PCDHA9: variants seen among roughly 807,000 people sequenced by gnomAD.
The protein encoded by PCDHA9 is protocadherin alpha-9.
A neutral mutation model predicts 62.0 loss-of-function variants in PCDHA9; 62 were observed. The ratio of observed to expected loss-of-function variants is 1.00; its 90% CI spans 0.81 to 1.23. The LOEUF (loss-of-function observed/expected upper bound fraction) is 1.23. Ranked by LOEUF, PCDHA9 falls within the 50% of genes most tolerant of loss-of-function variation. The pLI is 0.00. For synonymous variants in PCDHA9, 557 were observed against 567.6 expected (o/e 0.98, Z 0.27); for missense variants, 1,205 against 1,249.8 (o/e 0.96, Z 0.54).
chr5:140,985,619 G>C (rs961379624), intron 3 of PCDHA9, among the ~76,000 whole-genome samples: 2 of 152,064 alleles, frequency 1.3e-5, no homozygotes, highest in African/African-American at 2.4e-5. Context: ...TGAACCAGCT[G>C]TGTATTGCTC....
intron 1 of PCDHA9, chr5:140,857,903 A>C (rs1554150826): frequency 6.3e-7 from 1 of 1,597,806 alleles, no homozygotes; most frequent in East Asian, 2.2e-5. Context: ...TGGTGCACGC[A>C]TCCCGTTTCG....
rs552604909 is a variant in PCDHA9, at chr5:141,005,474, C to T, written c.2543-4153C>T. ...ATCCCAGCACTTTGGGAGGCCGAGACGGGCGGATCATGAGGTCAGGAGATC... is the reference window on the plus strand; with the variant it reads ...ATCCCAGCACTTTGGGAGGCCGAGATGGGCGGATCATGAGGTCAGGAGATC... On this transcript the variant is annotated intron_variant, in intron 3 of 3. Coordinates refer to ENST00000532602, the MANE Select transcript of PCDHA9 (RefSeq NM_031857.2). 1.6e-3 allele frequency among the ~76,000 whole-genome samples: 236 copies of T among 151,848 alleles called. 1 individual carries two copies. The highest frequency in any genetic ancestry group is 4.9e-3 in the African/African-American group (204 of 41,424).
intron 1 of PCDHA9, among the ~76,000 whole-genome samples, chr5:140,910,738 C>G (rs2075147470): frequency 6.6e-6 from 1 of 152,098 alleles, no homozygotes; most frequent in Non-Finnish European, 1.5e-5. Context: ...GCTAACCAAG[C>G]ACATAAATTA....
At position 141,011,612 on chromosome 5, in the gene PCDHA9, G is replaced by A. The variant is rs1031311936; in HGVS notation, c.*1675G>A. 11 of 153,524 alleles carry A rather than the reference G, an allele frequency of 7.2e-5. No individual in the cohort carries two copies. The highest frequency in any genetic ancestry group is 1.6e-4 in the Non-Finnish European group (11 of 67,990). 9.5% of individuals were successfully genotyped at this position (153,524 alleles called of 1,614,324 possible). A position where few individuals can be genotyped will look rare whatever the true frequency, so the allele number is the denominator to read the frequency against. On this transcript the variant is annotated 3_prime_UTR_variant, in exon 4 of 4. Coordinates refer to ENST00000532602, the MANE Select transcript of PCDHA9 (RefSeq NM_031857.2). ...TGGTGATTCAAGGAATTTTATTTAT[G>A]GTCCAGCCAAGAGCCATCTCGTGCC...
At chr5:140,938,204 C>T (rs2091973590) in intron 1 of PCDHA9, among the ~76,000 whole-genome samples, 1 of 152,136 alleles carries the variant, frequency 6.6e-6, no homozygotes, top group East Asian at 1.9e-4. Flanking sequence ...CGCCAGCCTC[C>T]CAAAGTGCTG....
rs1554164701 is a variant in PCDHA9 at position 140,870,777 on chromosome 5, C to T, written c.2394+19888C>T. The T allele has an allele frequency of 3.1e-6, 5 of 1,613,610 alleles. No individual in the cohort carries two copies. In the African/African-American group the frequency reaches 4.0e-5, roughly 13 times the overall value. On this transcript the variant is annotated intron_variant, in intron 1 of 3. Coordinates refer to ENST00000532602, the MANE Select transcript of PCDHA9 (RefSeq NM_031857.2). Reference sequence around the variant, plus strand: ...TGCAGGTGTTCGTGCTGGACGAGAACGACAACGCGCCGGCACTGCTGGCGA... The same window carrying T: ...TGCAGGTGTTCGTGCTGGACGAGAATGACAACGCGCCGGCACTGCTGGCGA...
chr5:140,904,225 T>A (rs782022279), intron 1 of PCDHA9, among the ~76,000 whole-genome samples: 5 of 152,020 alleles, frequency 3.3e-5, no homozygotes, highest in Non-Finnish European at 5.9e-5. Context: ...CATTGTATTA[T>A]ACTTATGCCT....
chr5:140,896,536 CT>C (rs34213614), intron 1 of PCDHA9, among the ~76,000 whole-genome samples: 112 of 145,476 alleles, frequency 7.7e-4, no homozygotes, highest in Admixed American at 9.6e-4. Flanking sequence ...AGCTATTTTT[CT>C]TTTTTTTTTT....
rs1554142138 is a variant in PCDHA9, at chr5:140,848,504, C to T, written c.9C>T (p.Tyr3=). 4 of 1,587,366 alleles carry T rather than the reference C, an allele frequency of 2.5e-6. No homozygotes were observed. Among genetic ancestry groups the T allele is most frequent in the African/African-American group, 2.7e-5 (2 of 74,114 alleles). ML[Y]SSRGDPEGQP... is the part of the protein sequence containing the mutation. Reference sequence around the variant, plus strand: ...AAGACTGAGTATTTGAAATGTTATACTCAAGTCGAGGAGATCCAGAGGGTC... The same window carrying T: ...AAGACTGAGTATTTGAAATGTTATATTCAAGTCGAGGAGATCCAGAGGGTC... Residue 3 remains tyrosine, a synonymous_variant, in exon 1 of 4, where the codon TAC becomes TAT. Transcript: ENST00000532602.
intron 1 of PCDHA9, among the ~76,000 whole-genome samples, chr5:140,911,275 G>C (rs1048648150): frequency 2.0e-5 from 3 of 152,164 alleles, no homozygotes; most frequent in African/African-American, 7.2e-5. Context: ...AGTGTCCCCA[G>C]CTTCATCAGG....
chr5:140,849,568 C>G lies in PCDHA9; in HGVS notation c.1073C>G (p.Pro358Arg). ...TTGACTATCAAAACGCTCTCGGTTC[C>G]TGTAAAAGAGGACGCACAACTGGGG... is the stretch of plus-strand genomic sequence containing the variant. ...PQLTIKTLSV[P>R]VKEDAQLGTV... The change falls in exon 1 of 4, where the codon CCT (proline) becomes CGT (arginine). Residue 358 changes from proline to arginine, a missense_variant. Coordinates refer to ENST00000532602, the MANE Select transcript of PCDHA9 (RefSeq NM_031857.2). 1.3e-6 allele frequency: 2 copies of G among 1,598,620 alleles called. No individual in the cohort carries two copies. The highest frequency in any genetic ancestry group is 1.7e-6 in the Non-Finnish European group (2 of 1,167,938).
chr5:140,933,539 G>A (rs1173969458), intron 1 of PCDHA9, among the ~76,000 whole-genome samples: 1 of 152,018 alleles, frequency 6.6e-6, no homozygotes, highest in Non-Finnish European at 1.5e-5. Flanking sequence ...TCAAAATAAT[G>A]TTAATATAAA....
chr5:140,936,760 T>G (rs2091134702), intron 1 of PCDHA9, among the ~76,000 whole-genome samples: 1 of 152,220 alleles, frequency 6.6e-6, no homozygotes, highest in African/African-American at 2.4e-5. Context: ...TGATATCTAA[T>G]TGTGTAAGTT....
rs150205860 is a variant in PCDHA9 at position 140,883,142 on chromosome 5, G to T, written c.2394+32253G>T. The T allele has an allele frequency of 3.1e-6, 5 of 1,613,886 alleles. No individual in the cohort carries two copies. In the African/African-American group the frequency reaches 6.7e-5, roughly 22 times the overall value. On this transcript the variant is annotated intron_variant, in intron 1 of 3. Transcript: ENST00000532602. ...GCCTGTATGGCCTGCAGTGGTATAT[G>T]CATTTACCATAAATCCGAACAATGG...
chr5:140,928,276 GC>G, intron 1 of PCDHA9: 1 of 1,614,172 alleles, frequency 6.2e-7, no homozygotes. Flanking sequence ...TGGCCCTGGG[GC>G]CTCTCTAGGC....
intron 1 of PCDHA9, among the ~76,000 whole-genome samples, chr5:140,925,297 A>G (rs572435227): frequency 6.6e-6 from 1 of 152,246 alleles, no homozygotes; most frequent in Non-Finnish European, 1.5e-5. Context: ...ATGTTTCATT[A>G]TTGGGGCTTT....
chr5:140,870,124 G>A, intron 1 of PCDHA9: 1 of 1,613,940 alleles, frequency 6.2e-7, no homozygotes, highest in Non-Finnish European at 8.5e-7. Context: ...GGAAATCTTG[G>A]ACACCAACGA....
intron 3 of PCDHA9, among the ~76,000 whole-genome samples, chr5:141,008,297 A>G (rs2098368469): frequency 6.6e-6 from 1 of 152,178 alleles, no homozygotes; most frequent in South Asian, 2.1e-4. Context: ...GTTGTACCCA[A>G]CCCTAAACTG....
intron 1 of PCDHA9, among the ~76,000 whole-genome samples, chr5:140,899,914 C>A (rs1408569942): frequency 2.0e-5 from 3 of 151,952 alleles, no homozygotes; most frequent in Admixed American, 6.6e-5. Flanking sequence ...CTCAAGCAAT[C>A]CTCCTGCCTC....
Sources: allele counts gnomAD v4.1 joint callset (sites outside exome capture counted in the v4.1 genomes callset), GRCh38; gene constraint gnomAD v4.1.1; transcripts MANE v1.5; gene names NCBI Gene and HGNC (gene_info 2026-07-23, HGNC 2026-07-21).